The following FBN1 variants were observed in gnomAD, a reference collection of about 807,000 sequenced individuals.
FBN1 encodes the protein fibrillin 1, also known as fibrillin-1.
In FBN1, 29 loss-of-function variants were observed where a neutral mutation model predicts 365.1. The observed-to-expected ratio is 0.08, with a 90% CI of 0.06 to 0.11. The LOEUF is 0.11. Among genes scored for constraint, FBN1 ranks in the 10% least tolerant of loss-of-function variants. The probability of loss-of-function intolerance (pLI) is 1.00; values close to 1 mark genes in which losing one functional copy is unlikely to be tolerated. For synonymous variants in FBN1, 1,210 were observed against 1,270.5 expected, an observed-to-expected ratio of 0.95 and a Z score of 1.01; for missense variants, 2,476 against 3,703.2, an observed-to-expected ratio of 0.67 and a Z score of 8.60.
At chr15:48,607,527 T>A (rs1188803514) in intron 4 of FBN1, among the ~76,000 whole-genome samples, 4 of 146,522 alleles carry the variant, frequency 2.7e-5, no homozygotes, top group Non-Finnish European at 4.5e-5. Flanking sequence ...AGTATCCTTA[T>A]AAAAAAAAAA....
intron 24 of FBN1, among the ~76,000 whole-genome samples, chr15:48,491,438 A>G (rs1222663282): frequency 6.6e-6 from 1 of 151,016 alleles, no homozygotes; most frequent in African/African-American, 2.4e-5. Context: ...GCAAGCTCCA[A>G]CTCCCGGGTT....
rs2044476701 is a variant in FBN1 at position 48,591,544 on chromosome 15, C to T, written c.538+4739G>A. Among the ~76,000 whole-genome samples the T allele has an allele frequency of 1.3e-5, 2 of 152,220 alleles. 1 individual carries two copies. Among genetic ancestry groups the T allele is most frequent in the South Asian group, 4.1e-4 (2 of 4,830 alleles). On this transcript the variant is annotated intron_variant, in intron 6 of 65. Transcript: ENST00000316623. Reference sequence around the variant, plus strand: ...ACAGGAATCTCTCTCTTTCCAAGAGCAGATTCGTACGTTGAAATCAATCAA... The same window carrying T: ...ACAGGAATCTCTCTCTTTCCAAGAGTAGATTCGTACGTTGAAATCAATCAA...
intron 46 of FBN1, among the ~76,000 whole-genome samples, chr15:48,448,499 TTAA>T (rs751577864): frequency 6.6e-6 from 1 of 152,210 alleles, no homozygotes; most frequent in Non-Finnish European, 1.5e-5. Flanking sequence ...CCTATTAACA[TTAA>T]TATTTTTGTA....
intron 18 of FBN1, among the ~76,000 whole-genome samples, chr15:48,498,434 T>C (rs1294358395): frequency 6.6e-6 from 1 of 152,224 alleles, no homozygotes; most frequent in Non-Finnish European, 1.5e-5. Context: ...TTGTCACCTA[T>C]TGTCATACTT....
chr15:48,426,753 G>A (rs1049528848), intron 58 of FBN1, among the ~76,000 whole-genome samples: 1 of 151,882 alleles, frequency 6.6e-6, no homozygotes, highest in Non-Finnish European at 1.5e-5. Flanking sequence ...GAGTTTTTTC[G>A]GCTATCTTAT....
intron 6 of FBN1, among the ~76,000 whole-genome samples, chr15:48,554,585 C>T (rs1418266115): frequency 3.3e-5 from 5 of 152,052 alleles, no homozygotes; most frequent in Non-Finnish European, 7.4e-5. Context: ...AGAGATGGTA[C>T]GGGGAATCCT....
intron 2 of FBN1, among the ~76,000 whole-genome samples, chr15:48,637,240 C>G (rs1890110490): frequency 6.6e-6 from 1 of 152,172 alleles, no homozygotes; most frequent in Non-Finnish European, 1.5e-5. Context: ...TGTCTTTAGT[C>G]TCTCTTCTCT....
intron 4 of FBN1, among the ~76,000 whole-genome samples, chr15:48,605,697 A>T (rs546969505): frequency 2.0e-5 from 3 of 152,226 alleles, no homozygotes; most frequent in Admixed American, 2.0e-4. Flanking sequence ...GCATGGCAAA[A>T]CCCTGTCTCT....
chr15:48,468,261 A>G (rs2043339492), intron 37 of FBN1, 151 bp downstream of exon 37: 2 of 1,323,694 alleles, frequency 1.5e-6, no homozygotes, highest in Non-Finnish European at 2.1e-6. Flanking sequence ...AATTTTCCCT[A>G]TGGAAAAGAT....
chr15:48,561,682 A>C (rs79072083), intron 6 of FBN1, among the ~76,000 whole-genome samples: 2,521 of 152,342 alleles, frequency 0.017, 62 homozygotes, highest in African/African-American at 0.058. Flanking sequence ...CCTTCAGATG[A>C]AAATTTTCCT....
chr15:48,443,611 C>A (rs912104155), intron 49 of FBN1, among the ~76,000 whole-genome samples: 1 of 151,982 alleles, frequency 6.6e-6, no homozygotes, highest in Admixed American at 6.6e-5. Flanking sequence ...TTCTAATTGA[C>A]GATATTAAAA....
At chr15:48,578,759 A>G in intron 6 of FBN1, among the ~76,000 whole-genome samples, 1 of 148,126 alleles carries the variant, frequency 6.8e-6, no homozygotes, top group Non-Finnish European at 1.5e-5. Context: ...CGCAAGAACA[A>G]AAAACCAAAC....
At chr15:48,618,276 C>T (rs1302682812) in intron 2 of FBN1, among the ~76,000 whole-genome samples, 1 of 152,112 alleles carries the variant, frequency 6.6e-6, no homozygotes, top group East Asian at 1.9e-4. Flanking sequence ...AATTACAATA[C>T]ATAAATGAGC....
At chr15:48,594,042 G>A (rs2140708231) in intron 6 of FBN1, among the ~76,000 whole-genome samples, 1 of 152,264 alleles carries the variant, frequency 6.6e-6, no homozygotes, top group South Asian at 2.1e-4. Flanking sequence ...TCCTGACTCG[G>A]TATCAGATTT....
chr15:48,612,418 G>A (rs1036701321), intron 3 of FBN1, among the ~76,000 whole-genome samples: 1 of 152,156 alleles, frequency 6.6e-6, no homozygotes, highest in African/African-American at 2.4e-5. Context: ...TGACTTTGGT[G>A]TCTCCATTAA....
chr15:48,503,021 C>T (rs758389586), intron 17 of FBN1, among the ~76,000 whole-genome samples: 31 of 151,934 alleles, frequency 2.0e-4, no homozygotes, highest in Admixed American at 1.3e-3. Context: ...CACACCGGTC[C>T]GGGCGCGGTG....
Position 48,448,832 on chromosome 15 carries a change from A to G in FBN1, c.5607T>C (p.Val1869=), listed in dbSNP as rs1597535252. 2.5e-6 allele frequency: 4 copies of G among 1,612,922 alleles called. No individual in the cohort carries two copies. Among genetic ancestry groups the G allele is most frequent in the Middle Eastern group, 1.7e-4 (1 of 6,054 alleles). The stretch of plus-strand genomic sequence containing the variant: ...TGTGGCAAAGGCAATAAAAGCTTCC[A>G]ACTGTGTCAATGCACTGCCCATGAC... ...ICSHGQCIDT[V]GSFYCLCHTG... is the part of the protein sequence containing the mutation. Residue 1869 remains valine (V), a synonymous_variant, in exon 46 of 66, where the codon GTT becomes GTC. Transcript: ENST00000316623.
chr15:48,589,807 CA>C (rs2044464319), intron 6 of FBN1, among the ~76,000 whole-genome samples: 2 of 151,702 alleles, frequency 1.3e-5, no homozygotes, highest in South Asian at 4.2e-4. Context: ...GTAGTAGAGA[CA>C]GGGTTTCACA....
At chr15:48,469,781 A>G (rs547967958) in intron 36 of FBN1, among the ~76,000 whole-genome samples, 12 of 152,088 alleles carry the variant, frequency 7.9e-5, no homozygotes, top group Admixed American at 3.3e-4. Flanking sequence ...GGAGAGGGGG[A>G]CTTCCTGAGG....
Sources: allele counts gnomAD v4.1 joint callset (sites outside exome capture counted in the v4.1 genomes callset), GRCh38; gene constraint gnomAD v4.1.1; transcripts MANE v1.5; gene names NCBI Gene and HGNC (gene_info 2026-07-23, HGNC 2026-07-21).